KCNIP4: variants seen among roughly 807,000 people sequenced by gnomAD.
KCNIP4 encodes potassium voltage-gated channel interacting protein 4.
Under a neutral mutation model 34.0 loss-of-function variants are expected in KCNIP4, and 12 were observed. The observed-to-expected ratio is 0.35, with a 90% CI of 0.23 to 0.57. The LOEUF (loss-of-function observed/expected upper bound fraction) is 0.57. KCNIP4 is among the 20% of genes least tolerant of loss of function. The pLI, the probability that KCNIP4 is intolerant of heterozygous loss-of-function variation, is 0.83. For synonymous variants in KCNIP4, 124 were observed against 102.2 expected, an observed-to-expected ratio of 1.21 and a Z score of -1.29; for missense variants, 238 against 311.7, an observed-to-expected ratio of 0.76 and a Z score of 1.78.
At chr4:21,858,971 A>C (rs1229008900) in intron 1 of KCNIP4, among the ~76,000 whole-genome samples, 1 of 152,168 alleles carries the variant, frequency 6.6e-6, no homozygotes, top group Non-Finnish European at 1.5e-5. Flanking sequence ...TTATAATAAA[A>C]CTGTGTGGGA....
chr4:21,253,649 T>C (rs73111230), intron 1 of KCNIP4, among the ~76,000 whole-genome samples: 2,902 of 152,310 alleles, frequency 0.019, 110 homozygotes, highest in African/African-American at 0.067. Context: ...AATAGATTCT[T>C]AATACTGGCT....
chr4:21,090,085 G>C (rs1459140001), intron 1 of KCNIP4, among the ~76,000 whole-genome samples: 1 of 152,030 alleles, frequency 6.6e-6, no homozygotes, highest in Non-Finnish European at 1.5e-5. Context: ...CTGTGATTCT[G>C]TCACTGCAAA....
rs1191358514 is a variant in KCNIP4, at chr4:21,082,118, CT to C, written c.62-199410del. Among the ~76,000 whole-genome samples, 10 of 151,666 alleles carry C rather than the reference CT, an allele frequency of 6.6e-5. No homozygotes were observed. The East Asian group carries it at 1.9e-3, about 29-fold the overall frequency. On this transcript the variant is annotated intron_variant, in intron 1 of 8. Transcript: ENST00000382152. ...CCTGACTTTTTCAGATTCCTTTAGC[CT>C]TTAGTATGAGTGAATTTTTAAAATT...
chr4:21,387,632 A>G (rs1258905531), intron 1 of KCNIP4, among the ~76,000 whole-genome samples: 2 of 152,176 alleles, frequency 1.3e-5, no homozygotes, highest in African/African-American at 2.4e-5. Context: ...ACCAATATGA[A>G]TCCTTTCTTG....
intron 1 of KCNIP4, among the ~76,000 whole-genome samples, chr4:21,633,545 A>G (rs10012513): frequency 0.36 from 55,149 of 151,886 alleles, 10,543 homozygotes; most frequent in Non-Finnish European, 0.42. Flanking sequence ...TAGACAATTA[A>G]ATGAGAGAGA....
intron 1 of KCNIP4, among the ~76,000 whole-genome samples, chr4:21,439,176 A>AG (rs1019158058): frequency 5.3e-5 from 8 of 151,626 alleles, no homozygotes; most frequent in Middle Eastern, 3.2e-3. Flanking sequence ...AAAAAAAAAA[A>AG]AAAAGTAGAG....
At chr4:21,123,914 C>T (rs1750383610) in intron 1 of KCNIP4, among the ~76,000 whole-genome samples, 1 of 152,152 alleles carries the variant, frequency 6.6e-6, no homozygotes, top group South Asian at 2.1e-4. Flanking sequence ...GCACCCTGTG[C>T]TCAGACTTCC....
chr4:21,050,513 C>T (rs10011610), intron 1 of KCNIP4, among the ~76,000 whole-genome samples: 77,346 of 151,930 alleles, frequency 0.51, 21,354 homozygotes, highest in African/African-American at 0.74. Context: ...TTTTAAATAA[C>T]CATATTAAGC....
intron 3 of KCNIP4, among the ~76,000 whole-genome samples, chr4:20,789,544 G>A (rs1420648399): frequency 6.6e-6 from 1 of 152,048 alleles, no homozygotes; most frequent in South Asian, 2.1e-4. Flanking sequence ...CCCTTGGGCA[G>A]TCCACTTCCA....
intron 1 of KCNIP4, among the ~76,000 whole-genome samples, chr4:21,170,315 A>G (rs1753928703): frequency 1.3e-5 from 2 of 152,192 alleles, no homozygotes; most frequent in Non-Finnish European, 2.9e-5. Flanking sequence ...GTACTACTGA[A>G]TAATAAACAT....
At chr4:21,825,638 C>T (rs1578037338) in intron 1 of KCNIP4, among the ~76,000 whole-genome samples, 2 of 152,132 alleles carry the variant, frequency 1.3e-5, no homozygotes, top group Non-Finnish European at 2.9e-5. Flanking sequence ...TATACTATTA[C>T]AGCGACAAAA....
chr4:20,878,920 A>G (rs2149519972), intron 2 of KCNIP4, among the ~76,000 whole-genome samples: 1 of 152,284 alleles, frequency 6.6e-6, no homozygotes, highest in East Asian at 1.9e-4. Flanking sequence ...GAGAACACTG[A>G]CCAGAGTTTA....
intron 1 of KCNIP4, among the ~76,000 whole-genome samples, chr4:21,514,938 C>A (rs1453404536): frequency 6.6e-6 from 1 of 152,182 alleles, no homozygotes; most frequent in Admixed American, 6.5e-5. Context: ...TTCATACTTT[C>A]TTACTTCTAT....
intron 1 of KCNIP4, among the ~76,000 whole-genome samples, chr4:20,942,495 G>A (rs984112943): frequency 2.0e-5 from 3 of 152,076 alleles, no homozygotes; most frequent in Non-Finnish European, 2.9e-5. Context: ...TAAGCACCAG[G>A]TGGTTTGTGC....
chr4:21,681,892 TTA>T lies in KCNIP4; in HGVS notation c.61+266677_61+266678del, dbSNP rs1209723601. On this transcript the variant is annotated intron_variant, in intron 1 of 8. Coordinates refer to ENST00000382152, the MANE Select transcript of KCNIP4 (RefSeq NM_025221.6). Reference sequence around the variant, plus strand: ...GCCACACTTTTTTTTTTATTTTTATTTATTTATTTTTTTTGAGACAGAGCCTC... The same window carrying T: ...GCCACACTTTTTTTTTTATTTTTATTTTTATTTTTTTTGAGACAGAGCCTC... 2.7e-3 allele frequency among the ~76,000 whole-genome samples: 400 copies of T among 146,910 alleles called. 1 individual carries two copies. The highest frequency in any genetic ancestry group is 8.5e-3 in the African/African-American group (320 of 37,440).
At chr4:21,071,178 C>G (rs534589071) in intron 1 of KCNIP4, among the ~76,000 whole-genome samples, 41 of 152,120 alleles carry the variant, frequency 2.7e-4, no homozygotes, top group African/African-American at 9.9e-4. Context: ...AGTCCCAGGT[C>G]CTGAAGATTT....
At chr4:20,975,163 A>G (rs190591857) in intron 1 of KCNIP4, among the ~76,000 whole-genome samples, 10 of 152,370 alleles carry the variant, frequency 6.6e-5, no homozygotes, top group African/African-American at 2.2e-4. Flanking sequence ...TTCAAAGACC[A>G]TGATCTTATC....
chr4:21,216,543 G>A (rs1034174082), intron 1 of KCNIP4, among the ~76,000 whole-genome samples: 5 of 152,154 alleles, frequency 3.3e-5, no homozygotes, highest in African/African-American at 1.2e-4. Flanking sequence ...GACACGGGGA[G>A]GAAGATATTA....
At chr4:21,533,124 C>G in intron 1 of KCNIP4, among the ~76,000 whole-genome samples, 1 of 151,526 alleles carries the variant, frequency 6.6e-6, no homozygotes, top group East Asian at 1.9e-4. Context: ...TTTTAGAGAG[C>G]CAATTATTGA....
Sources: allele counts gnomAD v4.1 joint callset (sites outside exome capture counted in the v4.1 genomes callset), GRCh38; gene constraint gnomAD v4.1.1; transcripts MANE v1.5; gene names NCBI Gene and HGNC (gene_info 2026-07-23, HGNC 2026-07-21).